The following GET1 variants were observed in gnomAD, a reference collection of about 807,000 sequenced individuals.
The protein encoded by GET1 is congenital heart disease 5 protein.
Under a neutral mutation model 22.6 loss-of-function variants are expected in GET1, and 20 were observed. That is an observed-to-expected ratio of 0.89 (90% CI 0.62 to 1.29). The LOEUF is 1.29. Ranked by LOEUF, GET1 falls within the 50% of genes most tolerant of loss-of-function variation. The probability of loss-of-function intolerance (pLI) is 0.00; values close to 1 mark genes in which losing one functional copy is unlikely to be tolerated. For missense variants in GET1, 209 were observed against 219.9 expected (o/e 0.95, Z 0.31); for synonymous variants, 92 against 83.8 (o/e 1.10, Z -0.53).
At chr21:39,400,105 C>T (rs1453412230), downstream of GET1, among the ~76,000 whole-genome samples, 1 of 152,112 alleles carries the variant, frequency 6.6e-6, no homozygotes, top group Non-Finnish European at 1.5e-5. Flanking sequence ...TGTCCCCTGA[C>T]CTGGGGGGGC....
rs2038692957 is a variant in GET1, at chr21:39,396,888, G to A, written c.474G>A (p.Trp158Ter). The change falls in exon 5 of 5, where the codon TGG (tryptophan) becomes TGA (stop). Residue 158 changes from tryptophan to a stop codon, truncating the protein, a stop_gained. Coordinates refer to ENST00000649170, the MANE Select transcript of GET1 (RefSeq NM_004627.6). LOFTEE classifies it high-confidence loss of function. ...CAGGTGGTGTTGGAATTACCTGTTG[G>A]ATTTTAGTCTGTAACAAAGTTGTCG... ...RVAGGVGITCWILVCNKVVAI... is the reference protein window; with the variant it reads ...RVAGGVGITC 1.2e-6 allele frequency: 2 copies of A among 1,613,950 alleles called. No individual in the cohort carries two copies. The highest frequency in any genetic ancestry group is 1.7e-6 in the Non-Finnish European group (2 of 1,180,012).
chr21:39,388,123 C>G (rs2038046975), intron 1 of GET1, among the ~76,000 whole-genome samples: 2 of 152,072 alleles, frequency 1.3e-5, no homozygotes, highest in African/African-American at 4.8e-5. Context: ...GCCTTTAATC[C>G]CAGCACTTTG....
chr21:39,380,596 C>A, intron 1 of GET1, 110 bp downstream of exon 1: 2 of 1,506,664 alleles, frequency 1.3e-6, no homozygotes, highest in South Asian at 1.2e-5. Flanking sequence ...GCCGTAGTAG[C>A]GTCTTGGTTG....
intron 3 of GET1, chr21:39,392,852 A>G (rs2038396953): frequency 3.9e-6 from 1 of 255,232 alleles, no homozygotes; most frequent in Non-Finnish European, 7.5e-6. Context: ...CAGCTAATTT[A>G]AATTATGTGT....
At chr21:39,387,070 G>A (rs949879578) in intron 1 of GET1, among the ~76,000 whole-genome samples, 1 of 152,144 alleles carries the variant, frequency 6.6e-6, no homozygotes, top group Non-Finnish European at 1.5e-5. Flanking sequence ...ATGTTGCCCC[G>A]CCTGGTCTCG....
downstream of GET1, among the ~76,000 whole-genome samples, chr21:39,409,092 A>C (rs1054074833): frequency 6.6e-6 from 1 of 152,202 alleles, no homozygotes. This position sits in a 1 kb window ranked among gnomAD's most constrained non-coding sequence, Gnocchi z 4.2. Flanking sequence ...AGGTTAAATG[A>C]GATCACAAGG....
chr21:39,391,581 T>C lies in GET1; in HGVS notation c.269-188T>C, dbSNP rs557878832. 18 of 590,512 alleles carry C rather than the reference T, an allele frequency of 3.0e-5. No homozygotes were observed. The African/African-American group carries it at 3.2e-4, about 11-fold the overall frequency. 36.6% of individuals were successfully genotyped at this position (590,512 alleles called of 1,614,324 possible). A position where few individuals can be genotyped will look rare whatever the true frequency, so the allele number is the denominator to read the frequency against. On this transcript the variant is annotated intron_variant, in intron 2 of 4. Transcript: ENST00000649170. ...ATCTCAATCTGAGTCGGATACTATT[T>C]TAAATAATGGCATAATGAGATGGTG...
chr21:39,425,116 A>C (rs2074440876), intron 1 of GET1, among the ~76,000 whole-genome samples: 1 of 152,230 alleles, frequency 6.6e-6, no homozygotes, highest in African/African-American at 2.4e-5. Flanking sequence ...ATATATCTAG[A>C]TTCGGAGAAG....
intron 1 of GET1, among the ~76,000 whole-genome samples, chr21:39,427,531 G>A (rs1218502564): frequency 2.0e-5 from 3 of 152,000 alleles, no homozygotes; most frequent in Admixed American, 1.3e-4. Flanking sequence ...GCGTGGTGGT[G>A]GGTGCCTGTA....
At chr21:39,390,403 A>C (rs1601619069) in intron 1 of GET1, among the ~76,000 whole-genome samples, 2 of 152,146 alleles carry the variant, frequency 1.3e-5, no homozygotes, top group South Asian at 4.1e-4. Flanking sequence ...GCTGTCTGCC[A>C]CCCGGGGGTT....
intron 1 of GET1, among the ~76,000 whole-genome samples, chr21:39,382,410 A>G (rs1221561564): frequency 6.6e-6 from 1 of 152,178 alleles, no homozygotes; most frequent in African/African-American, 2.4e-5. Context: ...TCATTAAACA[A>G]CAACTTTCCA....
At chr21:39,423,489 G>A in intron 1 of GET1, 2 of 1,541,966 alleles carry the variant, frequency 1.3e-6, no homozygotes, top group Non-Finnish European at 1.7e-6. Context: ...TTTCCTTCTG[G>A]CCTGTGTAAG....
chr21:39,380,619 T>C (rs1569026758), intron 1 of GET1, 133 bp downstream of exon 1: 1 of 1,466,956 alleles, frequency 6.8e-7, no homozygotes, highest in Non-Finnish European at 9.0e-7. Flanking sequence ...CCGTAAGCTT[T>C]TTTGAGATAG....
At position 39,390,846 on chromosome 21, in the gene GET1, A is replaced by ATAT; in HGVS notation, c.253_254insTTA (p.Asp84_Lys85insIle). Reference sequence around the variant, plus strand: ...GAAAGAAAGATCAACAAGATGACGGATAAGCTCAAAACCCATGGTACTGTG... The same window carrying ATAT: ...GAAAGAAAGATCAACAAGATGACGGATATTAAGCTCAAAACCCATGGTACTGTG... On this transcript the variant is annotated inframe_insertion, in exon 2 of 5. Transcript: ENST00000649170. 6.2e-7 allele frequency: 1 copy of ATAT among 1,614,194 alleles called. No individual in the cohort carries two copies. Among genetic ancestry groups the ATAT allele is most frequent in the Non-Finnish European group, 8.5e-7 (1 of 1,180,028 alleles).
intron 2 of GET1, chr21:39,391,089 T>A: frequency 2.6e-6 from 1 of 387,190 alleles, no homozygotes; most frequent in Non-Finnish European, 4.5e-6. Flanking sequence ...CAGATTTTCC[T>A]CAGAGCCAAC....
intron 1 of GET1, among the ~76,000 whole-genome samples, chr21:39,383,891 C>T (rs1477168571): frequency 6.6e-6 from 1 of 152,236 alleles, no homozygotes; most frequent in Non-Finnish European, 1.5e-5. Flanking sequence ...CAGGTGCATG[C>T]CACCATGCTG....
chr21:39,385,933 G>T (rs371448328), intron 1 of GET1, among the ~76,000 whole-genome samples: 2 of 151,722 alleles, frequency 1.3e-5, no homozygotes, highest in Non-Finnish European at 2.9e-5. Flanking sequence ...TAGGACTGGC[G>T]CTGGCTCAGG....
At chr21:39,387,870 G>T in intron 1 of GET1, 1 of 978,664 alleles carries the variant, frequency 1.0e-6, no homozygotes. Flanking sequence ...GCTGGAAGGG[G>T]GAGGGGGGGG....
At chr21:39,382,158 G>A (rs898358432) in intron 1 of GET1, among the ~76,000 whole-genome samples, 11 of 151,404 alleles carry the variant, frequency 7.3e-5, no homozygotes, top group Non-Finnish European at 1.5e-4. Flanking sequence ...AGGTTCAAGC[G>A]ATTCTCCTGC....
Sources: gnomAD v4.1 joint callset for allele counts (sites outside exome capture counted in the v4.1 genomes callset) on GRCh38, gnomAD v4.1.1 for gene constraint, Gnocchi (gnomAD v3.1) non-coding constraint, MANE v1.5 for transcripts, NCBI Gene and HGNC (gene_info 2026-07-23, HGNC 2026-07-21) for gene names.